The following ADCY9 variants were observed in gnomAD, a reference collection of about 807,000 sequenced individuals.
ADCY9 encodes the protein adenylate cyclase 9.
A neutral mutation model predicts 101.5 loss-of-function variants in ADCY9; 50 were observed. That is an observed-to-expected ratio of 0.49 (90% CI 0.39 to 0.62). The LOEUF (loss-of-function observed/expected upper bound fraction) is 0.62. ADCY9 is among the 20% of genes least tolerant of loss of function. The pLI is 0.00. For missense variants in ADCY9, 1,662 were observed against 1,800.4 expected, an observed-to-expected ratio of 0.92 and a Z score of 1.39; for synonymous variants, 905 against 769.3, an observed-to-expected ratio of 1.18 and a Z score of -2.92.
Position 3,992,070 on chromosome 16 carries a change from TAAA to T in ADCY9, c.2207+73_2207+75del. ...TGGATGACAGAGCGAGACTCAGTCT[TAAA>T]GAAAAGAAAAGAAAAAGGCAGAGAG... On this transcript the variant is annotated intron_variant, in intron 5 of 10. Transcript: ENST00000294016. This position sits in a 1 kb window ranked among gnomAD's most constrained non-coding sequence, Gnocchi z 4.2. The T allele has an allele frequency of 6.8e-7, 1 of 1,461,000 alleles. No homozygotes were observed. Among genetic ancestry groups the T allele is most frequent in the Non-Finnish European group, 9.4e-7 (1 of 1,059,504 alleles). The allele number at this position is 1,461,000 out of a possible 1,614,324, so 90.5% of individuals were successfully genotyped here. A position where few individuals can be genotyped will look rare whatever the true frequency, so the allele number is the denominator to read the frequency against.
intron 5 of ADCY9, among the ~76,000 whole-genome samples, chr16:3,991,763 TAAAAAAA>T (rs55746006): frequency 1.7e-3 from 154 of 91,404 alleles, no homozygotes; most frequent in Non-Finnish European, 1.6e-3. Context: ...CTAGTCCTTA[TAAAAAAA>T]AAAAAAAAAA....
At chr16:3,995,578 G>A (rs1037600976) in intron 3 of ADCY9, among the ~76,000 whole-genome samples, 1 of 151,148 alleles carries the variant, frequency 6.6e-6, no homozygotes, top group African/African-American at 2.4e-5. Context: ...TTCCAATGAA[G>A]AAGACAAACC....
Position 3,992,505 on chromosome 16 carries a change from C to A in ADCY9, c.1990-142G>T. The A allele has an allele frequency of 1.4e-6, 1 of 714,118 alleles. No individual in the cohort carries two copies. 44.2% of individuals were successfully genotyped at this position (714,118 alleles called of 1,614,324 possible). A position where few individuals can be genotyped will look rare whatever the true frequency, so the allele number is the denominator to read the frequency against. ...CTTTCTGACCTGCGAGGAACCCCCA[C>A]CCCCCTGCGCCTACAGACCTGCTCC... is the stretch of plus-strand genomic sequence containing the variant. On this transcript the variant is annotated intron_variant, in intron 4 of 10. Coordinates refer to ENST00000294016, the MANE Select transcript of ADCY9 (RefSeq NM_001116.4). The surrounding 1 kb of genome is among the most constrained non-coding windows in gnomAD (Gnocchi z 4.2).
chr16:4,043,244 C>A (rs2056639921), intron 2 of ADCY9, among the ~76,000 whole-genome samples: 2 of 151,928 alleles, frequency 1.3e-5, no homozygotes, highest in South Asian at 4.1e-4. Context: ...AACAAACAAA[C>A]AAAAAATTAA....
chr16:4,095,134 TG>T (rs1338061532), intron 2 of ADCY9, among the ~76,000 whole-genome samples: 1 of 151,752 alleles, frequency 6.6e-6, no homozygotes, highest in South Asian at 2.1e-4. Flanking sequence ...TCTGAGTAAC[TG>T]GGATTACAGG....
intron 2 of ADCY9, among the ~76,000 whole-genome samples, chr16:4,048,962 T>C (rs1294744496): frequency 2.0e-5 from 3 of 152,168 alleles, no homozygotes; most frequent in Non-Finnish European, 2.9e-5. Context: ...GAAAAGCTCC[T>C]GGGACCATCA....
At position 3,966,144 on chromosome 16, in the gene ADCY9, G is replaced by C. The variant is rs1279086749; in HGVS notation, c.3693C>G (p.Val1231=). The change falls in exon 11 of 11, where the codon GTC becomes GTG. Residue 1231 remains valine, a synonymous_variant. Coordinates refer to ENST00000294016, the MANE Select transcript of ADCY9 (RefSeq NM_001116.4). ...AGGTCTTCATCTGGCCTTTCCCCTT[G>C]ACATTCACGGTCCCTCTGTAGTCGA... ...YDFDYRGTVN[V]KGKGQMKTYL... 1.9e-6 allele frequency: 3 copies of C among 1,614,108 alleles called. No homozygotes were observed. Among genetic ancestry groups the C allele is most frequent in the African/African-American group, 2.7e-5 (2 of 74,934 alleles).
At chr16:3,994,841 A>G (rs1373789074) in intron 3 of ADCY9, among the ~76,000 whole-genome samples, 3 of 152,226 alleles carry the variant, frequency 2.0e-5, no homozygotes, top group Non-Finnish European at 4.4e-5. Context: ...CTATGCGAGG[A>G]CACAAATCCA....
intron 3 of ADCY9, among the ~76,000 whole-genome samples, chr16:4,002,041 C>G (rs537482448): frequency 9.2e-5 from 14 of 152,246 alleles, no homozygotes; most frequent in African/African-American, 3.4e-4. Context: ...GACCACCTCA[C>G]CTGGCGGAGA....
Position 3,983,260 on chromosome 16 carries a change from C to G in ADCY9, c.2491G>C (p.Glu831Gln), listed in dbSNP as rs922314244. 3 of 1,552,454 alleles carry G rather than the reference C, an allele frequency of 1.9e-6. No individual in the cohort carries two copies. The highest frequency in any genetic ancestry group is 2.6e-6 in the Non-Finnish European group (3 of 1,147,750). ...ATGGACACCGCGAGGGACAGCACCT[C>G]CAGCAGCAGGGCTGCACTGAAGACC... is the stretch of plus-strand genomic sequence containing the variant. ...LAVFSAALLL[E>Q]VLSLAVSIRM... The change falls in exon 7 of 11, where the codon GAG (glutamate) becomes CAG (glutamine). Residue 831 changes from glutamate to glutamine, a missense_variant. By Grantham distance (29) the Glu-to-Gln change is conservative. This residue lies in a region of ADCY9 where 624 missense variants were observed against 639.1 expected (regional missense o/e 0.98). Coordinates refer to ENST00000294016, the MANE Select transcript of ADCY9 (RefSeq NM_001116.4).
At chr16:3,982,460 C>T (rs1401063298) in intron 7 of ADCY9, 1 of 152,164 alleles carries the variant, frequency 6.6e-6, no homozygotes, top group Non-Finnish European at 1.5e-5. Flanking sequence ...CTTGTGGTGC[C>T]CAGGACGGGG....
At chr16:4,064,820 TA>T (rs2141163578) in intron 2 of ADCY9, among the ~76,000 whole-genome samples, 1 of 152,050 alleles carries the variant, frequency 6.6e-6, no homozygotes, top group East Asian at 1.9e-4. Context: ...AAAAGAAGAC[TA>T]CACAAAAGAA....
chr16:4,115,246 C>T lies in ADCY9; in HGVS notation c.197G>A (p.Arg66Gln). 4.3e-6 allele frequency: 7 copies of T among 1,613,254 alleles called. No individual in the cohort carries two copies. The highest frequency in any genetic ancestry group is 2.2e-5 in the East Asian group (1 of 44,852). ...GCGCAGCCGGCCTCCGCCGCCCACT[C>T]GCCGGGGGACGCCCCCGGAGTCCCC... ...SSGDSGGVPRRVGGGGRLRRQ... is the reference protein window; with the variant it reads ...SSGDSGGVPRQVGGGGRLRRQ... Residue 66 changes from arginine (R) to glutamine (Q), a missense_variant, in exon 2 of 11, where the codon CGA becomes CAA. This residue lies in a region of ADCY9 where 422 missense variants were observed against 392.0 expected (regional missense o/e 1.08). Transcript: ENST00000294016. This position sits in a 1 kb window ranked among gnomAD's most constrained non-coding sequence, Gnocchi z 6.2.
At chr16:4,013,375 C>T (rs1344587891) in intron 2 of ADCY9, among the ~76,000 whole-genome samples, 8 of 151,842 alleles carry the variant, frequency 5.3e-5, no homozygotes, top group Non-Finnish European at 7.4e-5. Flanking sequence ...GAGCTGAGAT[C>T]GTGCCATTGC....
chr16:4,076,665 G>A (rs558646736), intron 2 of ADCY9, among the ~76,000 whole-genome samples: 4 of 68,722 alleles, frequency 5.8e-5, no homozygotes, highest in Admixed American at 1.4e-4. Flanking sequence ...GAAGATAGAC[G>A]CACTGACAAA....
chr16:4,107,212 A>G (rs141148052), intron 2 of ADCY9, among the ~76,000 whole-genome samples: 1 of 152,206 alleles, frequency 6.6e-6, no homozygotes, highest in East Asian at 1.9e-4. Context: ...GCCATTTGCT[A>G]TCTGAGAGGC....
At chr16:3,975,164 G>C (rs561025954) in intron 9 of ADCY9, among the ~76,000 whole-genome samples, 31 of 152,304 alleles carry the variant, frequency 2.0e-4, no homozygotes, top group Non-Finnish European at 4.0e-4. Flanking sequence ...AATGCCCGAT[G>C]AGGGACCTGT....
intron 3 of ADCY9, among the ~76,000 whole-genome samples, chr16:4,001,207 C>T (rs148359612): frequency 2.6e-5 from 4 of 152,242 alleles, no homozygotes; most frequent in African/African-American, 7.2e-5. Context: ...CTTTGCTGTT[C>T]GGGTCTCCTC....
chr16:4,056,134 T>C (rs781419570), intron 2 of ADCY9, among the ~76,000 whole-genome samples: 1 of 152,240 alleles, frequency 6.6e-6, no homozygotes, highest in African/African-American at 2.4e-5. Flanking sequence ...GAAAATTCTG[T>C]GACATCAGGA....
Sources: gnomAD v4.1 joint callset for allele counts (sites outside exome capture counted in the v4.1 genomes callset) on GRCh38, gnomAD v4.1.1 for gene constraint, gnomAD v4.1.1 regional missense constraint, Gnocchi (gnomAD v3.1) non-coding constraint, MANE v1.5 for transcripts, NCBI Gene and HGNC (gene_info 2026-07-23, HGNC 2026-07-21) for gene names.